Variants in OXCT1 observed in about 807,000 individuals in gnomAD.
The protein encoded by OXCT1 is succinyl-CoA:3-ketoacid coenzyme A transferase 1, mitochondrial.
OXCT1 carries 27 observed loss-of-function variants against 69.6 expected under a neutral mutation model. The ratio of observed to expected loss-of-function variants is 0.39; its 90% confidence interval spans 0.29 to 0.54. OXCT1 has a LOEUF of 0.54. OXCT1 is among the 20% of genes least tolerant of loss of function. The probability of loss-of-function intolerance (pLI) is 0.72; values close to 1 mark genes in which losing one functional copy is unlikely to be tolerated. For missense variants in OXCT1, 437 were observed against 650.2 expected, an observed-to-expected ratio of 0.67 and a Z score of 3.57; for synonymous variants, 202 against 217.8, an observed-to-expected ratio of 0.93 and a Z score of 0.64.
At chr5:41,776,321 G>A (rs372498318) in intron 13 of OXCT1, among the ~76,000 whole-genome samples, 1 of 152,208 alleles carries the variant, frequency 6.6e-6, no homozygotes, top group East Asian at 1.9e-4. Flanking sequence ...GCAGTACCCT[G>A]AACTGGATCT....
chr5:41,853,076 A>T (rs948002411), intron 4 of OXCT1, among the ~76,000 whole-genome samples: 18 of 152,306 alleles, frequency 1.2e-4, no homozygotes, highest in African/African-American at 2.4e-4. Flanking sequence ...GCCTCAAAAA[A>T]AAAAATAAAA....
chr5:41,821,187 A>G (rs1449064186), intron 7 of OXCT1, among the ~76,000 whole-genome samples: 1 of 152,218 alleles, frequency 6.6e-6, no homozygotes, highest in African/African-American at 2.4e-5. Context: ...TTCAAAGCCA[A>G]TTACCTGTCT....
Position 41,862,700 on chromosome 5 carries a change from A to G in OXCT1, c.129T>C (p.Tyr43=), listed in dbSNP as rs762035150. The change falls in exon 2 of 17, where the codon TAT becomes TAC. Residue 43 remains tyrosine, a synonymous_variant. Transcript: ENST00000196371. ...CTTTTACAGCTTCTACTGGATCTGT[A>G]TAAAACTTGGTATGGCGATGAGCAC... ...STSAHRHTKF[Y]TDPVEAVKDI... The G allele has an allele frequency of 1.2e-6, 2 of 1,613,558 alleles. No individual in the cohort carries two copies. The highest frequency in any genetic ancestry group is 1.7e-6 in the Non-Finnish European group (2 of 1,179,630).
intron 15 of OXCT1, among the ~76,000 whole-genome samples, chr5:41,740,004 T>C (rs1372501003): frequency 6.6e-6 from 1 of 152,190 alleles, no homozygotes; most frequent in African/African-American, 2.4e-5. Context: ...TGTGGAACAG[T>C]GTTGATGCCA....
chr5:41,858,279 T>C (rs370768027), intron 3 of OXCT1, among the ~76,000 whole-genome samples: 31 of 152,308 alleles, frequency 2.0e-4, no homozygotes, highest in East Asian at 9.6e-4. Context: ...ATATCTTACC[T>C]ATTATCAGAC....
chr5:41,758,008 C>A (rs966781918), intron 14 of OXCT1, among the ~76,000 whole-genome samples: 1 of 151,998 alleles, frequency 6.6e-6, no homozygotes. Context: ...ATTACCAGGA[C>A]GTAGGGGCAG....
Position 41,731,528 on chromosome 5 carries a change from T to C in OXCT1, c.*201A>G, listed in dbSNP as rs897749293. 1.3e-5 allele frequency: 12 copies of C among 925,490 alleles called. No individual in the cohort carries two copies. The highest frequency in any genetic ancestry group is 3.4e-5 in the African/African-American group (2 of 59,338). The allele number at this position is 925,490 out of a possible 1,614,324, so 57.3% of individuals were successfully genotyped here. ...TTCTCAGCCTTAACAAATGAGATAA[T>C]TATAAATGCTCCTTTTGCTTTTTAT... On this transcript the variant is annotated 3_prime_UTR_variant, in exon 17 of 17. Coordinates refer to ENST00000196371, the MANE Select transcript of OXCT1 (RefSeq NM_000436.4).
intron 8 of OXCT1, among the ~76,000 whole-genome samples, chr5:41,806,616 T>TTC (rs375774586): frequency 6.9e-4 from 105 of 151,980 alleles, no homozygotes; most frequent in African/African-American, 2.3e-3. Flanking sequence ...GCCTGGCACC[T>TTC]TCTCTCTCTC....
intron 3 of OXCT1, among the ~76,000 whole-genome samples, chr5:41,858,816 G>C (rs1038943750): frequency 6.6e-6 from 1 of 151,958 alleles, no homozygotes. Context: ...CTTAAATCTG[G>C]ATTAGATAAT....
intron 14 of OXCT1, among the ~76,000 whole-genome samples, chr5:41,752,029 C>T (rs1189789239): frequency 6.6e-6 from 1 of 152,126 alleles, no homozygotes; most frequent in Non-Finnish European, 1.5e-5. Context: ...TCTAAATATG[C>T]TGGGCTGAGC....
intron 7 of OXCT1, among the ~76,000 whole-genome samples, chr5:41,810,127 A>G (rs1399870820): frequency 6.6e-6 from 1 of 151,994 alleles, no homozygotes; most frequent in African/African-American, 2.4e-5. Flanking sequence ...AATGCTAGCT[A>G]TTGAAGGGAC....
intron 7 of OXCT1, among the ~76,000 whole-genome samples, chr5:41,839,915 T>C (rs1748546725): frequency 6.6e-6 from 1 of 152,192 alleles, no homozygotes; most frequent in Non-Finnish European, 1.5e-5. Flanking sequence ...TATAAGCCCC[T>C]GTTTCTGCCC....
At chr5:41,813,719 G>A (rs1202687712) in intron 7 of OXCT1, among the ~76,000 whole-genome samples, 1 of 151,648 alleles carries the variant, frequency 6.6e-6, no homozygotes, top group Middle Eastern at 3.4e-3. Flanking sequence ...CATATTCAGG[G>A]AGTTGAACCA....
intron 7 of OXCT1, among the ~76,000 whole-genome samples, chr5:41,820,235 C>T (rs1210510155): frequency 3.9e-5 from 6 of 152,236 alleles, no homozygotes. Context: ...CATTTTTCAC[C>T]TAGCAAGTTA....
intron 7 of OXCT1, among the ~76,000 whole-genome samples, chr5:41,829,519 T>C (rs1747990263): frequency 6.6e-6 from 1 of 152,138 alleles, no homozygotes. Flanking sequence ...ATGAAGTCCA[T>C]TGTACCTGAG....
intron 4 of OXCT1, 71 bp downstream of exon 4, chr5:41,853,348 G>T: frequency 1.4e-6 from 2 of 1,443,812 alleles, no homozygotes; most frequent in Non-Finnish European, 9.7e-7. Context: ...TTTGCACAAA[G>T]AAATTTCCAC....
Position 41,749,548 on chromosome 5 carries a change from G to T in OXCT1, c.1398C>A (p.Val466=). ...CTLPLTGKQC[V]NRIITEKAVF... ...TTACCTTTTCAGTAATAATGCGGTT[G>T]ACACATTGCTTTCCAGTCAATGGTA... Residue 466 remains valine, a synonymous_variant, in exon 15 of 17, where the codon GTC becomes GTA. Coordinates refer to ENST00000196371, the MANE Select transcript of OXCT1 (RefSeq NM_000436.4). 2 of 1,606,948 alleles carry T rather than the reference G, an allele frequency of 1.2e-6. No individual in the cohort carries two copies. The highest frequency in any genetic ancestry group is 2.2e-5 in the South Asian group (2 of 90,790).
intron 7 of OXCT1, among the ~76,000 whole-genome samples, chr5:41,812,759 A>AT (rs1431018088): frequency 6.6e-6 from 1 of 151,998 alleles, no homozygotes; most frequent in Non-Finnish European, 1.5e-5. Flanking sequence ...AACTAGTATG[A>AT]TTATGAAGAA....
At chr5:41,747,892 A>C in intron 15 of OXCT1, among the ~76,000 whole-genome samples, 1 of 151,978 alleles carries the variant, frequency 6.6e-6, no homozygotes, top group East Asian at 1.9e-4. Context: ...ATGTCCCTAG[A>C]TTAGCATCTG....
Sources: allele counts gnomAD v4.1 joint callset (sites outside exome capture counted in the v4.1 genomes callset), GRCh38; gene constraint gnomAD v4.1.1; transcripts MANE v1.5; gene names NCBI Gene and HGNC (gene_info 2026-07-23, HGNC 2026-07-21).